PGA5: variants seen among roughly 807,000 people sequenced by gnomAD.
PGA5 encodes pepsin A-5.
In PGA5, 19 loss-of-function variants were observed where a neutral mutation model predicts 15.9. That is an observed-to-expected ratio of 1.19 (90% CI 0.83 to 1.75). The LOEUF is 1.75. Ranked by LOEUF, PGA5 falls within the 40% of genes most tolerant of loss-of-function variation. The pLI is 0.00. For synonymous variants in PGA5, 92 were observed against 95.8 expected (o/e 0.96, Z 0.23); for missense variants, 224 against 246.4 (o/e 0.91, Z 0.61).
In PGA5 at chr11:61,249,694, G is replaced by T. The variant is rs376490431; in HGVS notation, c.799G>T (p.Ala267Ser). 5 of 1,613,472 alleles carry T rather than the reference G, an allele frequency of 3.1e-6. No homozygotes were observed. Among genetic ancestry groups the T allele is most frequent in the Non-Finnish European group, 4.2e-6 (5 of 1,179,842 alleles). The change falls in exon 7 of 9, where the codon GCC becomes TCC. Residue 267 changes from alanine to serine, a missense_variant. Transcript: ENST00000312403. ...DSITMNGETI[A>S]CAEGCQAIVD... ...CATCACCATGAACGGAGAGACCATC[G>T]CCTGTGCTGAGGGCTGCCAGGCCAT...
In PGA5 at chr11:61,251,220, G is replaced by A. The variant is rs141462851; in HGVS notation, c.1106G>A (p.Arg369His). ...ELWILGDVFI[R>H]QYFTVFDRAN... Reference sequence around the variant, plus strand: ...TGGATCCTGGGTGATGTCTTCATCCGCCAGTACTTTACCGTCTTCGACAGG... The same window carrying A: ...TGGATCCTGGGTGATGTCTTCATCCACCAGTACTTTACCGTCTTCGACAGG... Residue 369 changes from arginine (R) to histidine (H), a missense_variant, in exon 9 of 9, where the codon CGC (arginine) becomes CAC (histidine). Coordinates refer to ENST00000312403, the MANE Select transcript of PGA5 (RefSeq NM_014224.5). 352 of 1,611,836 alleles carry A rather than the reference G, an allele frequency of 2.2e-4. 2 individuals are homozygous for A. The highest frequency in any genetic ancestry group is 1.9e-3 in the African/African-American group (141 of 74,822).
chr11:61,249,878 A>G lies in PGA5; in HGVS notation c.919-38A>G, dbSNP rs535766185. ...GTGGGTGTGCCAGGCAGAAGCGACG[A>G]AAACCCTTCTAACTTTTCTCACCCT... On this transcript the variant is annotated intron_variant, in intron 7 of 8. Transcript: ENST00000312403. The G allele has an allele frequency of 1.5e-3, 2,486 of 1,608,482 alleles. 95 individuals are homozygous for G. Among genetic ancestry groups the G allele is most frequent in the South Asian group, 0.015 (1,286 of 88,262 alleles).
chr11:61,249,522 A>C, intron 6 of PGA5, 147 bp from the exon 7 acceptor site: 6 of 1,430,490 alleles, frequency 4.2e-6, no homozygotes, highest in Non-Finnish European at 5.8e-6. Context: ...ATGCGGGATG[A>C]ATGAGTGCGT....
chr11:61,250,688 G>A lies in PGA5; in HGVS notation c.1018-444G>A, dbSNP rs552111623. The A allele has an allele frequency of 3.9e-3, 1,787 of 463,678 alleles. 13 individuals carry two copies. The highest frequency in any genetic ancestry group is 7.5e-3 in the South Asian group (483 of 64,600). 28.7% of individuals were successfully genotyped at this position (463,678 alleles called of 1,614,324 possible). A position where few individuals can be genotyped will look rare whatever the true frequency, so the allele number is the denominator to read the frequency against. On this transcript the variant is annotated intron_variant, in intron 8 of 8. Coordinates refer to ENST00000312403, the MANE Select transcript of PGA5 (RefSeq NM_014224.5). The stretch of plus-strand genomic sequence containing the variant: ...GGCCTGAGCAATGGGATGGGGCTGC[G>A]GGGGTTCAAAGCTCCCCAGGTGATG...
chr11:61,246,802 A>G (rs1290956371), intron 5 of PGA5, among the ~76,000 whole-genome samples: 2 of 151,602 alleles, frequency 1.3e-5, no homozygotes, highest in African/African-American at 4.9e-5. Context: ...AATAAATAAA[A>G]TAAAGTGACT....
intron 6 of PGA5, among the ~76,000 whole-genome samples, 179 bp downstream of exon 6, chr11:61,248,714 G>A (rs1322254677): frequency 6.6e-6 from 1 of 152,068 alleles, no homozygotes; most frequent in Non-Finnish European, 1.5e-5. Flanking sequence ...ACACCTCCCT[G>A]CAGGAGGAGG....
At chr11:61,250,663 G>A (rs1854128554) in intron 8 of PGA5, 1 of 461,938 alleles carries the variant, frequency 2.2e-6, no homozygotes, top group Non-Finnish European at 4.3e-6. Context: ...GAGAGGGCAA[G>A]GCCTGAGCAA....
intron 5 of PGA5, 136 bp from the exon 6 acceptor site, chr11:61,248,283 A>G: frequency 1.2e-6 from 2 of 1,606,880 alleles, no homozygotes; most frequent in Non-Finnish European, 1.7e-6. Flanking sequence ...CTAAGAGGAA[A>G]AGAAACCACA....
rs1326062832 is a variant in PGA5, at chr11:61,249,675, C to T, written c.780C>T (p.Thr260=). 1 of 1,613,598 alleles carries T rather than the reference C, an allele frequency of 6.2e-7. No homozygotes were observed. ...GYWQITVDSI[T]MNGETIACAE... is the part of the protein sequence containing the mutation. The stretch of plus-strand genomic sequence containing the variant: ...ACTTGCTTCTTACCCTCAGCATCAC[C>T]ATGAACGGAGAGACCATCGCCTGTG... The change falls in exon 7 of 9, where the codon ACC becomes ACT. Residue 260 remains threonine (T), a synonymous_variant. Coordinates refer to ENST00000312403, the MANE Select transcript of PGA5 (RefSeq NM_014224.5).
At chr11:61,248,068 C>A in intron 5 of PGA5, 2 of 617,916 alleles carry the variant, frequency 3.2e-6, no homozygotes, top group Non-Finnish European at 5.7e-6. Flanking sequence ...GTCATGCATT[C>A]ACTTCCCTGG....
At position 61,249,710 on chromosome 11, in the gene PGA5, G is replaced by T. The variant is rs761910731; in HGVS notation, c.815G>T (p.Cys272Phe). ...NGETIACAEGCQAIVDTGTSL... is the reference protein window; with the variant it reads ...NGETIACAEGFQAIVDTGTSL... ...GAGACCATCGCCTGTGCTGAGGGCT[G>T]CCAGGCCATTGTTGACACCGGCACC... The change falls in exon 7 of 9, where the codon TGC becomes TTC. Residue 272 changes from cysteine (C) to phenylalanine (F), a missense_variant. Transcript: ENST00000312403. 4.2e-5 allele frequency: 67 copies of T among 1,613,362 alleles called. No individual in the cohort carries two copies. Among genetic ancestry groups the T allele is most frequent in the Non-Finnish European group, 5.7e-5 (67 of 1,179,848 alleles).
In PGA5 at chr11:61,249,977, T is replaced by G; in HGVS notation, c.980T>G (p.Val327Gly). 1 of 1,611,804 alleles carries G rather than the reference T, an allele frequency of 6.2e-7. No individual in the cohort carries two copies. Among genetic ancestry groups the G allele is most frequent in the Non-Finnish European group, 8.5e-7 (1 of 1,179,352 alleles). Residue 327 changes from valine to glycine, a missense_variant, in exon 8 of 9, where the codon GTC becomes GGC. Transcript: ENST00000312403. ...LPDIVFTING[V>G]QYPVPPSAYI... ...GACATCGTCTTCACCATCAATGGAG[T>G]CCAGTACCCCGTGCCACCCAGTGCC...
intron 8 of PGA5, chr11:61,250,796 A>G: frequency 1.8e-6 from 1 of 543,546 alleles, no homozygotes; most frequent in Non-Finnish European, 3.5e-6. Context: ...AGATAAGAAT[A>G]ATAATGAGAA....
intron 6 of PGA5, chr11:61,249,392 T>A: frequency 1.7e-6 from 1 of 583,522 alleles, no homozygotes; most frequent in South Asian, 2.0e-5. Context: ...ACATAACTTA[T>A]CTTGCCAGCT....
In PGA5 at chr11:61,249,362, A is replaced by G. The variant is rs537577812; in HGVS notation, c.774-307A>G. The G allele has an allele frequency of 1.5e-4, 77 of 507,816 alleles. 1 individual carries two copies. In the Admixed American group the frequency reaches 1.8e-3, roughly 12 times the overall value. 31.5% of individuals were successfully genotyped at this position (507,816 alleles called of 1,614,324 possible). Reference sequence around the variant, plus strand: ...TTGTTCCCTGCCTCATGCCTGACTGATCATCTTGCCCTTCTGCCAACATAA... The same window carrying G: ...TTGTTCCCTGCCTCATGCCTGACTGGTCATCTTGCCCTTCTGCCAACATAA... On this transcript the variant is annotated intron_variant, in intron 6 of 8. Transcript: ENST00000312403.
chr11:61,249,747 C>A lies in PGA5; in HGVS notation c.852C>A (p.Thr284=). 6.2e-7 allele frequency: 1 copy of A among 1,613,594 alleles called. No individual in the cohort carries two copies. Among genetic ancestry groups the A allele is most frequent in the Non-Finnish European group, 8.5e-7 (1 of 1,179,842 alleles). ...TTGACACCGGCACCTCTCTGCTGAC[C>A]GGCCCAACCAGCCCCATTGCCAACA... ...AIVDTGTSLL[T]GPTSPIANIQ... is the part of the protein sequence containing the mutation. Residue 284 remains threonine (T), a synonymous_variant, in exon 7 of 9, where the codon ACC becomes ACA. Coordinates refer to ENST00000312403, the MANE Select transcript of PGA5 (RefSeq NM_014224.5).
At position 61,249,883 on chromosome 11, in the gene PGA5, C is replaced by A. The variant is rs779128408; in HGVS notation, c.919-33C>A. The A allele has an allele frequency of 2.5e-6, 4 of 1,613,622 alleles. No homozygotes were observed. In the South Asian group the frequency reaches 3.3e-5, roughly 13 times the overall value. On this transcript the variant is annotated intron_variant, in intron 7 of 8. Transcript: ENST00000312403. The stretch of plus-strand genomic sequence containing the variant: ...TGTGCCAGGCAGAAGCGACGAAAAC[C>A]CTTCTAACTTTTCTCACCCTCACTC...
intron 5 of PGA5, among the ~76,000 whole-genome samples, chr11:61,247,471 G>A (rs1269232658): frequency 6.6e-6 from 1 of 151,762 alleles, no homozygotes; most frequent in East Asian, 1.9e-4. Context: ...TAGAGATGGG[G>A]TTTCACCCTG....
In PGA5 at chr11:61,251,054, T is replaced by G. The variant is rs114911975; in HGVS notation, c.1018-78T>G. 6.8e-3 allele frequency: 10,906 copies of G among 1,601,734 alleles called. 608 individuals are homozygous for G. The African/African-American group carries it at 0.11, about 16-fold the overall frequency. On this transcript the variant is annotated intron_variant, in intron 8 of 8. Coordinates refer to ENST00000312403, the MANE Select transcript of PGA5 (RefSeq NM_014224.5). Reference sequence around the variant, plus strand: ...ACGTGCCTTACAGCTGGACCAGGGCTCCCTGGATGTTTATCACCCAGCGCC... The same window carrying G: ...ACGTGCCTTACAGCTGGACCAGGGCGCCCTGGATGTTTATCACCCAGCGCC...
Sources: allele counts gnomAD v4.1 joint callset (sites outside exome capture counted in the v4.1 genomes callset), GRCh38; gene constraint gnomAD v4.1.1; transcripts MANE v1.5; gene names NCBI Gene and HGNC (gene_info 2026-07-23, HGNC 2026-07-21).